Variants in JAK2 observed in about 807,000 individuals in gnomAD.
JAK2 encodes the protein tyrosine-protein kinase JAK2.
A neutral mutation model predicts 139.3 loss-of-function variants in JAK2; 86 were observed. The observed-to-expected ratio is 0.62, with a 90% confidence interval of 0.52 to 0.74. The LOEUF is 0.74. JAK2 is among the 30% of genes least tolerant of loss of function. The pLI is 0.00. For synonymous variants in JAK2, 490 were observed against 437.7 expected, an observed-to-expected ratio of 1.12 and a Z score of -1.49; for missense variants, 1,421 against 1,360.3, an observed-to-expected ratio of 1.04 and a Z score of -0.70.
chr9:5,093,756 A>G (rs1300055375), intron 22 of JAK2, among the ~76,000 whole-genome samples: 2 of 152,272 alleles, frequency 1.3e-5, no homozygotes, highest in East Asian at 3.9e-4. Context: ...ATCCTATTCT[A>G]TCATATCAAT....
intron 19 of JAK2, chr9:5,084,944 A>G (rs751200191): frequency 5.8e-5 from 37 of 633,036 alleles, no homozygotes; most frequent in Non-Finnish European, 9.8e-5. Flanking sequence ...GTATTCCACA[A>G]AATTCTTAGG....
chr9:5,028,692 C>G (rs575013945), intron 3 of JAK2, among the ~76,000 whole-genome samples: 2 of 152,340 alleles, frequency 1.3e-5, no homozygotes, highest in South Asian at 4.1e-4. Context: ...TCCATCAACA[C>G]TTGCTGCTTC....
chr9:5,074,260 G>A (rs776073010), intron 14 of JAK2, among the ~76,000 whole-genome samples: 10 of 151,554 alleles, frequency 6.6e-5, no homozygotes, highest in South Asian at 4.2e-4. Flanking sequence ...AGTATAAATC[G>A]TACCCCATGC....
At position 5,090,884 on chromosome 9, in the gene JAK2, A is replaced by T; in HGVS notation, c.3032A>T (p.Lys1011Ile). The T allele has an allele frequency of 1.2e-6, 2 of 1,606,636 alleles. No homozygotes were observed. Among genetic ancestry groups the T allele is most frequent in the Non-Finnish European group, 1.7e-6 (2 of 1,177,748 alleles). ...LPQDKEYYKV[K>I]EPGESPIFWY... ...CAAGACAAAGAATACTATAAAGTAA[A>T]AGAACCTGGTGAAAGTCCCATATTC... The change falls in exon 22 of 25, where the codon AAA (lysine) becomes ATA (isoleucine). Residue 1011 changes from lysine (K) to isoleucine (I), a missense_variant. Lys to Ile is a moderately radical substitution (Grantham distance 102). Coordinates refer to ENST00000381652, the MANE Select transcript of JAK2 (RefSeq NM_004972.4).
At chr9:5,101,848 A>G (rs1160112052) in intron 22 of JAK2, among the ~76,000 whole-genome samples, 2 of 152,246 alleles carry the variant, frequency 1.3e-5, no homozygotes, top group African/African-American at 4.8e-5. Flanking sequence ...AGAAAGGAAT[A>G]GCATCAACAT....
chr9:5,078,362 A>G lies in JAK2; in HGVS notation c.2049A>G (p.Arg683=), dbSNP rs1057519723. The G allele has an allele frequency of 1.2e-6, 2 of 1,612,766 alleles. No homozygotes were observed. Among genetic ancestry groups the G allele is most frequent in the South Asian group, 2.2e-5 (2 of 91,044 alleles). Residue 683 remains arginine, a synonymous_variant, in exon 16 of 25, where the codon AGA becomes AGG. Transcript: ENST00000381652. ...NVCAKNILLI[R]EEDRKTGNPP... ...GTGCCAAAAATATTCTGCTTATCAG[A>G]GAAGAAGACAGGAAGACAGGAAATC...
rs1027403092 is a variant in JAK2, at chr9:5,015,309, C to T, written c.-25-6654C>T. Among the ~76,000 whole-genome samples, 5 of 152,146 alleles carry T rather than the reference C, an allele frequency of 3.3e-5. No homozygotes were observed. The East Asian group carries it at 7.7e-4, about 23-fold the overall frequency. ...CGTAGAATTGTAGCAGTTCTCAGAA[C>T]GTGGTCTCTAGAGGATGCCTGGGTA... On this transcript the variant is annotated intron_variant, in intron 2 of 24. Coordinates refer to ENST00000381652, the MANE Select transcript of JAK2 (RefSeq NM_004972.4).
rs994555780 is a variant in JAK2, at chr9:5,072,394, T to C, written c.1642-98T>C. On this transcript the variant is annotated intron_variant, in intron 12 of 24. Coordinates refer to ENST00000381652, the MANE Select transcript of JAK2 (RefSeq NM_004972.4). Reference sequence around the variant, plus strand: ...AGATTCTAAGGAAAATACTTGCTTATGGATTTAAAAAAATTCTTCCTCATT... The same window carrying C: ...AGATTCTAAGGAAAATACTTGCTTACGGATTTAAAAAAATTCTTCCTCATT... 5.8e-5 allele frequency: 49 copies of C among 843,786 alleles called. No homozygotes were observed. The East Asian group carries it at 1.1e-3, about 19-fold the overall frequency. The allele number at this position is 843,786 out of a possible 1,614,324, so 52.3% of individuals were successfully genotyped here. A position where few individuals can be genotyped will look rare whatever the true frequency, so the allele number is the denominator to read the frequency against.
intron 15 of JAK2, 132 bp downstream of exon 15, chr9:5,077,712 T>G: frequency 2.0e-6 from 1 of 503,000 alleles, no homozygotes; most frequent in Non-Finnish European, 3.2e-6. Context: ...CTGTGTTAGG[T>G]GATAAAAAGA....
intron 5 of JAK2, among the ~76,000 whole-genome samples, chr9:5,049,897 A>G (rs1382325344): frequency 6.6e-6 from 1 of 152,314 alleles, no homozygotes; most frequent in Non-Finnish European, 1.5e-5. Flanking sequence ...CACAACGGTA[A>G]GTATTTGTGT....
chr9:5,114,278 C>A (rs754644692), intron 22 of JAK2: 2 of 544,564 alleles, frequency 3.7e-6, no homozygotes, highest in Middle Eastern at 7.2e-4. Flanking sequence ...TGGCACCCAG[C>A]AAGGAGAACG....
At chr9:5,083,712 A>G (rs1237646874) in intron 19 of JAK2, among the ~76,000 whole-genome samples, 1 of 152,216 alleles carries the variant, frequency 6.6e-6, no homozygotes, top group Non-Finnish European at 1.5e-5. Context: ...AACAAAGAAT[A>G]CATCAAAAGA....
At chr9:5,000,996 A>T (rs1820895818) in intron 2 of JAK2, among the ~76,000 whole-genome samples, 1 of 152,190 alleles carries the variant, frequency 6.6e-6, no homozygotes, top group Admixed American at 6.5e-5. Flanking sequence ...ATACAGAATA[A>T]AAAGACATGC....
At chr9:5,086,239 G>T in intron 19 of JAK2, 1 of 582,914 alleles carries the variant, frequency 1.7e-6, no homozygotes, top group Non-Finnish European at 2.2e-6. Context: ...TCTGAAAGTC[G>T]CGGTAGGATG....
intron 2 of JAK2, among the ~76,000 whole-genome samples, chr9:5,002,970 A>T (rs1821016366): frequency 6.6e-6 from 1 of 151,986 alleles, no homozygotes; most frequent in Non-Finnish European, 1.5e-5. Context: ...CCAGTTGACT[A>T]AGCCACATGT....
intron 23 of JAK2, 38 bp downstream of exon 23, chr9:5,123,159 G>A (rs1823743827): frequency 7.2e-7 from 1 of 1,380,432 alleles, no homozygotes; most frequent in Non-Finnish European, 1.0e-6. Context: ...TTTTTTGTTT[G>A]TTCGTTTGAT....
At chr9:5,045,432 C>T (rs1274794676) in intron 5 of JAK2, among the ~76,000 whole-genome samples, 1 of 152,066 alleles carries the variant, frequency 6.6e-6, no homozygotes, top group Non-Finnish European at 1.5e-5. Flanking sequence ...ATAAAAATGA[C>T]CATTTTAACC....
intron 4 of JAK2, among the ~76,000 whole-genome samples, chr9:5,031,557 A>G (rs1823149814): frequency 6.6e-6 from 1 of 152,366 alleles, no homozygotes; most frequent in East Asian, 1.9e-4. Context: ...TGTATATCAG[A>G]TAAATTATAG....
At chr9:5,076,945 T>A (rs375686280) in intron 14 of JAK2, among the ~76,000 whole-genome samples, 14 of 151,922 alleles carry the variant, frequency 9.2e-5, no homozygotes, top group Non-Finnish European at 1.3e-4. Context: ...TATATTTTTT[T>A]AAAAAAGTTT....
Sources: allele counts gnomAD v4.1 joint callset (sites outside exome capture counted in the v4.1 genomes callset), GRCh38; gene constraint gnomAD v4.1.1; transcripts MANE v1.5; gene names NCBI Gene and HGNC (gene_info 2026-07-23, HGNC 2026-07-21).